GULP1: variants seen among roughly 807,000 people sequenced by gnomAD.
GULP1 encodes PTB domain-containing engulfment adapter protein 1.
Under a neutral mutation model 40.9 loss-of-function variants are expected in GULP1, and 19 were observed. The ratio of observed to expected loss-of-function variants is 0.46; its 90% CI spans 0.32 to 0.68. The LOEUF (loss-of-function observed/expected upper bound fraction) is 0.68, where lower values mean the gene tolerates loss of function less well. Among genes scored for constraint, GULP1 ranks in the 30% least tolerant of loss-of-function variants. The pLI, the probability that GULP1 is intolerant of heterozygous loss-of-function variation, is 0.03. For synonymous variants in GULP1, 119 were observed against 117.6 expected (o/e 1.01, Z -0.08); for missense variants, 312 against 362.2 (o/e 0.86, Z 1.12).
At chr2:188,585,506 G>A (rs879698298) in intron 10 of GULP1, among the ~76,000 whole-genome samples, 4 of 152,202 alleles carry the variant, frequency 2.6e-5, no homozygotes, top group Non-Finnish European at 5.9e-5. Context: ...AATCTAGGCA[G>A]AGGCTCCCAA....
intron 2 of GULP1, among the ~76,000 whole-genome samples, chr2:188,387,899 C>CT (rs1390430476): frequency 4.0e-5 from 6 of 151,686 alleles, no homozygotes; most frequent in Middle Eastern, 3.2e-3. Flanking sequence ...TATTATTATA[C>CT]TTTAAGTTTT....
chr2:188,398,399 T>TTA (rs1380996338), intron 2 of GULP1, among the ~76,000 whole-genome samples: 16 of 152,230 alleles, frequency 1.1e-4, no homozygotes. Flanking sequence ...TTCACTGACT[T>TTA]TTTAGAGTGT....
intron 2 of GULP1, among the ~76,000 whole-genome samples, chr2:188,424,783 G>A (rs2055939967): frequency 6.6e-6 from 1 of 150,792 alleles, no homozygotes; most frequent in Non-Finnish European, 1.5e-5. Context: ...CTCTGTTTTT[G>A]TTTCCCATGT....
rs374030976 is a variant in GULP1 at position 188,313,779 on chromosome 2, T to C, written c.-172+21613T>C. On this transcript the variant is annotated intron_variant, in intron 1 of 11. Coordinates refer to ENST00000409830, the MANE Select transcript of GULP1 (RefSeq NM_016315.4). ...TGTTTTGCCTTTTGTTTGCATCCTC[T>C]TTTATTTCTCTTTTATTTATTTTAT... is the stretch of plus-strand genomic sequence containing the variant. Among the ~76,000 whole-genome samples the C allele has an allele frequency of 6.6e-5, 10 of 152,276 alleles. No individual in the cohort carries two copies. In the East Asian group the frequency reaches 7.7e-4, roughly 12 times the overall value.
intron 2 of GULP1, among the ~76,000 whole-genome samples, chr2:188,391,546 C>T (rs1430338714): frequency 1.3e-5 from 2 of 151,944 alleles, no homozygotes; most frequent in Admixed American, 1.3e-4. Flanking sequence ...ACAATTACAT[C>T]ATCAGTGAAT....
At chr2:188,501,599 C>CT (rs2063440910) in intron 4 of GULP1, among the ~76,000 whole-genome samples, 1 of 151,870 alleles carries the variant, frequency 6.6e-6, no homozygotes, top group Non-Finnish European at 1.5e-5. Flanking sequence ...TATGAGACCT[C>CT]TAAGACCTTT....
At chr2:188,518,817 A>G (rs1035249060) in intron 4 of GULP1, among the ~76,000 whole-genome samples, 16 of 152,144 alleles carry the variant, frequency 1.1e-4, no homozygotes, top group Non-Finnish European at 2.2e-4. Flanking sequence ...TCTTACTGCA[A>G]TTTCTCTTTA....
chr2:188,358,453 T>G (rs1358291013), intron 1 of GULP1, among the ~76,000 whole-genome samples: 1 of 152,078 alleles, frequency 6.6e-6, no homozygotes, highest in Non-Finnish European at 1.5e-5. Flanking sequence ...CTAACAACAA[T>G]TTATTGTGTA....
chr2:188,484,341 A>T (rs930492980), intron 4 of GULP1, among the ~76,000 whole-genome samples: 2 of 152,210 alleles, frequency 1.3e-5, no homozygotes, highest in Non-Finnish European at 2.9e-5. Context: ...TTGTTGAAAA[A>T]AATGAGTGAA....
chr2:188,417,730 A>G (rs1351072275), intron 2 of GULP1, among the ~76,000 whole-genome samples: 2 of 152,198 alleles, frequency 1.3e-5, no homozygotes, highest in Admixed American at 1.3e-4. Flanking sequence ...CCTCATTGAC[A>G]AAGAGTAGAT....
intron 1 of GULP1, among the ~76,000 whole-genome samples, chr2:188,359,025 G>T (rs558633394): frequency 6.6e-6 from 1 of 152,074 alleles, no homozygotes; most frequent in African/African-American, 2.4e-5. Context: ...TTCAAAAAAT[G>T]CTAACATAAT....
intron 2 of GULP1, among the ~76,000 whole-genome samples, chr2:188,393,753 G>A (rs191640888): frequency 2.0e-5 from 3 of 152,024 alleles, no homozygotes; most frequent in Admixed American, 6.6e-5. Flanking sequence ...AGCATTTCTT[G>A]TAGGGCAGCT....
rs150321043 is a variant in GULP1, at chr2:188,550,989, A to C, written c.399+9671A>C. On this transcript the variant is annotated intron_variant, in intron 7 of 11. Transcript: ENST00000409830. Reference sequence around the variant, plus strand: ...ACATATCAAGTCCCTGAGTTTAAAAACTCTGAAGAATTGGCTTATTATGAC... The same window carrying C: ...ACATATCAAGTCCCTGAGTTTAAAACCTCTGAAGAATTGGCTTATTATGAC... 5.2e-3 allele frequency among the ~76,000 whole-genome samples: 781 copies of C among 151,344 alleles called. 5 individuals are homozygous for C. The highest frequency in any genetic ancestry group is 0.018 in the African/African-American group (735 of 41,408).
In GULP1 at chr2:188,477,739, G is replaced by A. The variant is rs201523693; in HGVS notation, c.28+9G>A. The stretch of plus-strand genomic sequence containing the variant: ...TTTTAGCAGGAAGAAAGGTAAGTGT[G>A]GTCATTTTTTAAAACTTGGGAGTCA... On this transcript the variant is annotated intron_variant, in intron 3 of 11. Coordinates refer to ENST00000409830, the MANE Select transcript of GULP1 (RefSeq NM_016315.4). 1.0e-5 allele frequency: 16 copies of A among 1,593,396 alleles called. No individual in the cohort carries two copies. The highest frequency in any genetic ancestry group is 1.7e-4 in the Middle Eastern group (1 of 6,004).
intron 2 of GULP1, among the ~76,000 whole-genome samples, chr2:188,457,194 G>A (rs2059338548): frequency 6.6e-6 from 1 of 152,264 alleles, no homozygotes; most frequent in South Asian, 2.1e-4. Flanking sequence ...GACTTTGAGG[G>A]ACTGTTAGTA....
intron 2 of GULP1, among the ~76,000 whole-genome samples, chr2:188,438,627 G>A (rs1328457635): frequency 6.0e-5 from 9 of 150,598 alleles, no homozygotes; most frequent in Admixed American, 2.0e-4. Context: ...TTGTTCTCCT[G>A]CTATATATGT....
rs796813299 is a variant in GULP1 at position 188,291,967 on chromosome 2, G to C, written c.-371G>C. 1.8e-4 allele frequency: 28 copies of C among 151,892 alleles called. No individual in the cohort carries two copies. The highest frequency in any genetic ancestry group is 6.1e-4 in the African/African-American group (25 of 40,948). 9.4% of individuals were successfully genotyped at this position (151,892 alleles called of 1,614,324 possible). On this transcript the variant is annotated 5_prime_UTR_variant, in exon 1 of 12. Transcript: ENST00000409830. Reference sequence around the variant, plus strand: ...TTCGGCGGATTAGGAAGAGGAGGGAGGGGGGAGAGAGCGCGAAGAGGGAGG... The same window carrying C: ...TTCGGCGGATTAGGAAGAGGAGGGACGGGGGAGAGAGCGCGAAGAGGGAGG...
At chr2:188,365,809 T>C (rs1236477253) in intron 1 of GULP1, among the ~76,000 whole-genome samples, 1 of 152,180 alleles carries the variant, frequency 6.6e-6, no homozygotes, top group Admixed American at 6.5e-5. Context: ...ACACTGCTCT[T>C]GGAATCTCTA....
At chr2:188,529,322 C>G (rs1400980244) in intron 6 of GULP1, 127 bp downstream of exon 6, 6 of 509,934 alleles carry the variant, frequency 1.2e-5, no homozygotes, top group Non-Finnish European at 2.1e-5. Flanking sequence ...CAGTTCGAAA[C>G]TCTAGGAGTT....
Sources: allele counts gnomAD v4.1 joint callset (sites outside exome capture counted in the v4.1 genomes callset), GRCh38; gene constraint gnomAD v4.1.1; transcripts MANE v1.5; gene names NCBI Gene and HGNC (gene_info 2026-07-23, HGNC 2026-07-21).